The following NELL2 variants were observed in gnomAD, a reference collection of about 807,000 sequenced individuals.
NELL2 encodes the protein neural EGFL like 2, also known as protein kinase C-binding protein NELL2.
NELL2 carries 41 observed loss-of-function variants against 109.6 expected under a neutral mutation model. The ratio of observed to expected loss-of-function variants is 0.37; its 90% confidence interval spans 0.29 to 0.49. NELL2 has a LOEUF of 0.49. Among genes scored for constraint, NELL2 ranks in the 20% least tolerant of loss-of-function variants. The pLI is 0.98. For missense variants in NELL2, 900 were observed against 1,008.3 expected, an observed-to-expected ratio of 0.89 and a Z score of 1.45; for synonymous variants, 355 against 344.7, an observed-to-expected ratio of 1.03 and a Z score of -0.33.
At chr12:44,696,670 TATATA>T (rs1292590813) in intron 12 of NELL2, among the ~76,000 whole-genome samples, 16 of 152,214 alleles carry the variant, frequency 1.1e-4, no homozygotes. Context: ...GATTTTCTTA[TATATA>T]ATATAAACAC....
At chr12:44,586,341 G>A (rs1944502154) in intron 15 of NELL2, among the ~76,000 whole-genome samples, 1 of 150,286 alleles carries the variant, frequency 6.7e-6, no homozygotes, top group South Asian at 2.1e-4. Flanking sequence ...TATATCGTAT[G>A]TATGTCATAC....
chr12:44,872,289 A>T (rs975270980), intron 2 of NELL2, among the ~76,000 whole-genome samples: 23 of 152,232 alleles, frequency 1.5e-4, no homozygotes, highest in Non-Finnish European at 2.6e-4. Flanking sequence ...TTTGAAAATT[A>T]TGGTAATTGG....
chr12:44,571,012 C>G (rs894957033), intron 15 of NELL2, among the ~76,000 whole-genome samples: 2 of 152,152 alleles, frequency 1.3e-5, no homozygotes. Flanking sequence ...AAGGTCAGAA[C>G]AACCCTATTG....
At chr12:44,660,404 G>A (rs1316904507) in intron 13 of NELL2, among the ~76,000 whole-genome samples, 2 of 152,108 alleles carry the variant, frequency 1.3e-5, no homozygotes, top group Non-Finnish European at 2.9e-5. Context: ...AATTCCCATT[G>A]ATGGGGTCCC....
intron 19 of NELL2, among the ~76,000 whole-genome samples, chr12:44,510,858 TGAGGTGCCGGCTCAGAG>T (rs1441156288): frequency 6.6e-6 from 1 of 152,184 alleles, no homozygotes; most frequent in Non-Finnish European, 1.5e-5. Flanking sequence ...AAGGCCACTC[TGAGGTGCCGGCTCAGAG>T]GCACAGGTTT....
At chr12:44,749,230 A>G (rs1175469521) in intron 9 of NELL2, among the ~76,000 whole-genome samples, 1 of 152,208 alleles carries the variant, frequency 6.6e-6, no homozygotes, top group Non-Finnish European at 1.5e-5. Flanking sequence ...TCGGGAAGTC[A>G]GTACAGCAGG....
intron 2 of NELL2, among the ~76,000 whole-genome samples, chr12:44,860,830 C>A (rs1944819205): frequency 6.6e-6 from 1 of 152,286 alleles, no homozygotes; most frequent in Admixed American, 6.5e-5. Context: ...TCTCAATCAG[C>A]CTACCACAGT....
Position 44,655,307 on chromosome 12 carries a change from T to TA in NELL2, c.1444+10176dup, listed in dbSNP as rs1947460500. On this transcript the variant is annotated intron_variant, in intron 13 of 19. Coordinates refer to ENST00000429094, the MANE Select transcript of NELL2 (RefSeq NM_001145108.2). ...CTATGGCCAGCTGGGCTGGAGGTTG[T>TA]ATATGGATATGACAGATGCATATGA... 3.3e-5 allele frequency among the ~76,000 whole-genome samples: 5 copies of TA among 152,232 alleles called. No individual in the cohort carries two copies. In the East Asian group the frequency reaches 5.8e-4, roughly 18 times the overall value.
chr12:44,833,473 T>A (rs1003158256), intron 2 of NELL2, among the ~76,000 whole-genome samples: 29 of 152,290 alleles, frequency 1.9e-4, no homozygotes, highest in African/African-American at 6.3e-4. Flanking sequence ...CAGTCTTACA[T>A]CCTCAGAAAG....
rs559556479 is a variant in NELL2 at position 44,882,833 on chromosome 12, C to A, written c.39-6933G>T. The stretch of plus-strand genomic sequence containing the variant: ...GTGAGCCACCATGCCTGGCTATATA[C>A]CTTTTTTTTTTTTTTTTTTTTTTTT... On this transcript the variant is annotated intron_variant, in intron 1 of 20. Transcript: ENST00000333837. Among the ~76,000 whole-genome samples, 66 of 131,980 alleles carry A rather than the reference C, an allele frequency of 5.0e-4. No homozygotes were observed. In the East Asian group the frequency reaches 0.016, roughly 31 times the overall value. The allele number at this position is 131,980 out of a possible 152,430, so 86.6% of individuals were successfully genotyped here. A position where few individuals can be genotyped will look rare whatever the true frequency, so the allele number is the denominator to read the frequency against.
At chr12:44,833,996 G>T (rs1247397186) in intron 2 of NELL2, among the ~76,000 whole-genome samples, 1 of 152,020 alleles carries the variant, frequency 6.6e-6, no homozygotes, top group Non-Finnish European at 1.5e-5. Context: ...TTCCCCTTTG[G>T]TTTATATTTC....
chr12:44,703,765 C>T lies in NELL2; in HGVS notation c.1279G>A (p.Gly427Ser). The T allele has an allele frequency of 3.1e-6, 5 of 1,613,516 alleles. No individual in the cohort carries two copies. The highest frequency in any genetic ancestry group is 4.2e-6 in the Non-Finnish European group (5 of 1,179,670). Residue 427 changes from glycine to serine, a missense_variant, in exon 12 of 20, where the codon GGT (glycine) becomes AGT (serine). By Grantham distance (56) the Gly-to-Ser change is moderately conservative (BLOSUM62 0). Transcript: ENST00000429094. ...NDRAVCSCRD[G>S]FRALREDNAY... is the part of the protein sequence containing the mutation. ...TTATCCTCTCGAAGAGCCCTAAAAC[C>T]ATCTCGACAGCTACAAACAGCCCTG...
chr12:44,521,243 T>C (rs933552590), intron 18 of NELL2, among the ~76,000 whole-genome samples: 5 of 152,178 alleles, frequency 3.3e-5, no homozygotes, highest in African/African-American at 9.7e-5. Flanking sequence ...CAAAACAAGG[T>C]GCCCATCAGA....
Position 44,714,640 on chromosome 12 carries a change from G to A in NELL2, c.1086+10C>T. 6.5e-7 allele frequency: 1 copy of A among 1,529,862 alleles called. No individual in the cohort carries two copies. Among genetic ancestry groups the A allele is most frequent in the Non-Finnish European group, 8.9e-7 (1 of 1,129,082 alleles). 94.8% of individuals were successfully genotyped at this position (1,529,862 alleles called of 1,614,324 possible). A position where few individuals can be genotyped will look rare whatever the true frequency, so the allele number is the denominator to read the frequency against. ...AACAATTTTGAAAGACCCACGAATAGTCTTCTTACCTTGCACTCATAGAGA... is the reference window on the plus strand; with the variant it reads ...AACAATTTTGAAAGACCCACGAATAATCTTCTTACCTTGCACTCATAGAGA... On this transcript the variant is annotated intron_variant, in intron 10 of 19. Transcript: ENST00000429094.
intron 3 of NELL2, among the ~76,000 whole-genome samples, chr12:44,787,090 C>G (rs1942206919): frequency 6.6e-6 from 1 of 151,816 alleles, no homozygotes; most frequent in South Asian, 2.1e-4. Context: ...TCATAGGATA[C>G]AATATGACAT....
At chr12:44,859,296 C>A (rs1944770262) in intron 2 of NELL2, among the ~76,000 whole-genome samples, 1 of 152,198 alleles carries the variant, frequency 6.6e-6, no homozygotes, top group African/African-American at 2.4e-5. Context: ...AATTCCAGCA[C>A]TTTACAAGGC....
chr12:44,871,610 A>G (rs1199851612), intron 2 of NELL2, among the ~76,000 whole-genome samples: 1 of 152,178 alleles, frequency 6.6e-6, no homozygotes, highest in Non-Finnish European at 1.5e-5. Context: ...GGGCACCAAC[A>G]GCCATCACTT....
At chr12:44,753,573 T>C (rs1940750883) in intron 9 of NELL2, among the ~76,000 whole-genome samples, 1 of 152,214 alleles carries the variant, frequency 6.6e-6, no homozygotes, top group African/African-American at 2.4e-5. Context: ...ATATAAATAA[T>C]GGCCTAGGAC....
chr12:44,635,001 T>C (rs1946583222), intron 13 of NELL2, among the ~76,000 whole-genome samples: 2 of 152,210 alleles, frequency 1.3e-5, no homozygotes, highest in South Asian at 4.1e-4. Context: ...TAGTATCTCA[T>C]TGCGGTTTTG....
Sources: allele counts gnomAD v4.1 joint callset (sites outside exome capture counted in the v4.1 genomes callset), GRCh38; gene constraint gnomAD v4.1.1; transcripts MANE v1.5; gene names NCBI Gene and HGNC (gene_info 2026-07-23, HGNC 2026-07-21).